Variants in PRR5L observed in about 807,000 individuals in gnomAD.
PRR5L encodes the protein proline rich 5 like.
Under a neutral mutation model 36.4 loss-of-function variants are expected in PRR5L, and 21 were observed. The ratio of observed to expected loss-of-function variants is 0.58; its 90% CI spans 0.41 to 0.83. The LOEUF is 0.83. Among genes scored for constraint, PRR5L ranks in the 40% least tolerant of loss-of-function variants. The probability of loss-of-function intolerance (pLI) is 0.00; values close to 1 mark genes in which losing one functional copy is unlikely to be tolerated. For synonymous variants in PRR5L, 188 were observed against 197.0 expected (o/e 0.95, Z 0.38); for missense variants, 381 against 473.3 (o/e 0.80, Z 1.81).
intron 6 of PRR5L, among the ~76,000 whole-genome samples, chr11:36,443,216 C>T (rs1265044666): frequency 1.3e-5 from 2 of 152,300 alleles, no homozygotes; most frequent in African/African-American, 4.8e-5. Context: ...CGGTGTATCA[C>T]ATGATGAGAG....
At chr11:36,380,059 C>T (rs1345048344) in intron 1 of PRR5L, among the ~76,000 whole-genome samples, 1 of 152,040 alleles carries the variant, frequency 6.6e-6, no homozygotes, top group Non-Finnish European at 1.5e-5. Flanking sequence ...CCATGGAGAA[C>T]CCAGGGTCCC....
At chr11:36,387,687 G>A (rs534901271) in intron 1 of PRR5L, among the ~76,000 whole-genome samples, 1 of 152,310 alleles carries the variant, frequency 6.6e-6, no homozygotes, top group East Asian at 1.9e-4. Context: ...TGGTGAGTCA[G>A]CAGACCCAGA....
At chr11:36,416,902 G>T (rs548044260) in intron 3 of PRR5L, among the ~76,000 whole-genome samples, 4 of 152,048 alleles carry the variant, frequency 2.6e-5, no homozygotes, top group Admixed American at 6.6e-5. Context: ...AGATGCCTGG[G>T]GCAACCTTTA....
intron 1 of PRR5L, among the ~76,000 whole-genome samples, chr11:36,326,338 G>C (rs368736800): frequency 1.7e-5 from 2 of 118,072 alleles, no homozygotes; most frequent in Non-Finnish European, 1.9e-5. Context: ...CACACACACA[G>C]GCAAACCATT....
chr11:36,423,391 C>T (rs1040806335), intron 4 of PRR5L, among the ~76,000 whole-genome samples: 2 of 152,032 alleles, frequency 1.3e-5, no homozygotes, highest in African/African-American at 2.4e-5. Context: ...ACTGAAGACC[C>T]GGATGGATGG....
chr11:36,437,239 T>C, intron 5 of PRR5L, 146 bp from the exon 6 acceptor site: 1 of 746,450 alleles, frequency 1.3e-6, no homozygotes. Context: ...ACACCTCTGC[T>C]CTCTGGGCTT....
intron 1 of PRR5L, among the ~76,000 whole-genome samples, chr11:36,382,497 A>G (rs1433727507): frequency 6.6e-6 from 1 of 152,204 alleles, no homozygotes. Context: ...CTGTTAAACC[A>G]CAGAATCCGA....
chr11:36,343,132 C>G (rs1375734046), intron 1 of PRR5L, among the ~76,000 whole-genome samples: 1 of 152,180 alleles, frequency 6.6e-6, no homozygotes, highest in Non-Finnish European at 1.5e-5. Context: ...ATGATTCCTT[C>G]AGGACCAAGA....
chr11:36,431,253 G>A (rs779526748), intron 4 of PRR5L, among the ~76,000 whole-genome samples: 21 of 152,172 alleles, frequency 1.4e-4, no homozygotes, highest in Admixed American at 2.0e-4. Flanking sequence ...AACTTGATAG[G>A]ATTGAATTAA....
At chr11:36,462,303 C>T (rs116727896) in intron 8 of PRR5L, 39 bp from the exon 9 acceptor site, 229 of 1,481,960 alleles carry the variant, frequency 1.5e-4, no homozygotes, top group African/African-American at 1.8e-4. Context: ...ACCAATACCC[C>T]CTCCCCAATA....
At chr11:36,433,520 T>G in intron 5 of PRR5L, among the ~76,000 whole-genome samples, 1 of 152,198 alleles carries the variant, frequency 6.6e-6, no homozygotes, top group East Asian at 1.9e-4. Flanking sequence ...TATTCTTAGG[T>G]GACTTGCTTT....
chr11:36,454,202 C>T (rs1298777244), intron 8 of PRR5L: 3 of 152,312 alleles, frequency 2.0e-5, no homozygotes, highest in African/African-American at 7.3e-5. Context: ...CTGACCGCTG[C>T]TAACTTTGAG....
chr11:36,462,643 T>C lies in PRR5L; in HGVS notation c.1014T>C (p.Ser338=). Reference sequence around the variant, plus strand: ...CCCCGCCCCACCGGCAGTGCTCCAGTGAGCCCAACATCACTGACAACCCTG... The same window carrying C: ...CCCCGCCCCACCGGCAGTGCTCCAGCGAGCCCAACATCACTGACAACCCTG... ...SFPPPHRQCS[S]EPNITDNPDG... The change falls in exon 9 of 9, where the codon AGT becomes AGC. Residue 338 remains serine, a synonymous_variant. Coordinates refer to ENST00000530639, the MANE Select transcript of PRR5L (RefSeq NM_001160167.2). 2.5e-6 allele frequency: 4 copies of C among 1,612,102 alleles called. No individual in the cohort carries two copies. The highest frequency in any genetic ancestry group is 3.4e-6 in the Non-Finnish European group (4 of 1,179,802).
At chr11:36,437,586 G>C in intron 6 of PRR5L, 110 bp downstream of exon 6, 1 of 656,512 alleles carries the variant, frequency 1.5e-6, no homozygotes, top group Non-Finnish European at 2.7e-6. Flanking sequence ...GAGATTGGGC[G>C]CTTGTATTGG....
intron 1 of PRR5L, among the ~76,000 whole-genome samples, chr11:36,387,942 G>A (rs113951750): frequency 9.9e-5 from 15 of 151,888 alleles, no homozygotes; most frequent in Non-Finnish European, 1.5e-4. Context: ...ACTTTCTTGG[G>A]AAAAATCAGA....
intron 1 of PRR5L, among the ~76,000 whole-genome samples, chr11:36,331,041 A>G (rs1856713523): frequency 6.6e-6 from 1 of 152,140 alleles, no homozygotes; most frequent in Non-Finnish European, 1.5e-5. Context: ...CCCGACCTCA[A>G]TTGATCCTCC....
At chr11:36,398,078 G>T (rs1456063119) in intron 1 of PRR5L, among the ~76,000 whole-genome samples, 1 of 152,156 alleles carries the variant, frequency 6.6e-6, no homozygotes, top group East Asian at 1.9e-4. Context: ...TCCAGGCTAA[G>T]CAGTGAGCTT....
chr11:36,463,248 C>T lies in PRR5L; in HGVS notation c.*512C>T, dbSNP rs1859229760. The T allele has an allele frequency of 6.6e-6, 1 of 152,468 alleles. No homozygotes were observed. The highest frequency in any genetic ancestry group is 2.1e-4 in the South Asian group (1 of 4,826). The allele number at this position is 152,468 out of a possible 1,614,324, so 9.4% of individuals were successfully genotyped here. A position where few individuals can be genotyped will look rare whatever the true frequency, so the allele number is the denominator to read the frequency against. On this transcript the variant is annotated 3_prime_UTR_variant, in exon 9 of 9. Transcript: ENST00000530639. Reference sequence around the variant, plus strand: ...GTGTAGAGTGAAAATAGCCTGAAGCCCCTACTCAGCAGGGCTCTGGGAATG... The same window carrying T: ...GTGTAGAGTGAAAATAGCCTGAAGCTCCTACTCAGCAGGGCTCTGGGAATG...
intron 8 of PRR5L, among the ~76,000 whole-genome samples, chr11:36,459,772 C>T (rs1198646134): frequency 6.6e-6 from 1 of 152,164 alleles, no homozygotes; most frequent in African/African-American, 2.4e-5. Flanking sequence ...GAAAGTGGTG[C>T]TGTTAGCCCC....
Sources: gnomAD v4.1 joint callset for allele counts (sites outside exome capture counted in the v4.1 genomes callset) on GRCh38, gnomAD v4.1.1 for gene constraint, MANE v1.5 for transcripts, NCBI Gene and HGNC (gene_info 2026-07-23, HGNC 2026-07-21) for gene names.